The following C1QTNF3 variants were observed in gnomAD, a reference collection of about 807,000 sequenced individuals.
C1QTNF3 encodes the protein C1q and TNF related 3, also known as complement C1q tumor necrosis factor-related protein 3.
A neutral mutation model predicts 32.6 loss-of-function variants in C1QTNF3; 26 were observed. That is an observed-to-expected ratio of 0.80 (90% CI 0.58 to 1.11). The LOEUF (loss-of-function observed/expected upper bound fraction) is 1.11. Ranked by LOEUF, C1QTNF3 falls within the 50% of genes least tolerant of loss-of-function variation. The pLI is 0.00. For missense variants in C1QTNF3, 362 were observed against 398.2 expected (o/e 0.91, Z 0.77); for synonymous variants, 155 against 146.0 (o/e 1.06, Z -0.44).
chr5:34,178,047 G>A, the C1QTNF3 span, among the ~76,000 whole-genome samples: 3 of 146,400 alleles, frequency 2.0e-5, no homozygotes, highest in Non-Finnish European at 3.0e-5. Flanking sequence ...CAGGTGGATC[G>A]CTTGAGGTCA....
At chr5:34,145,404 C>T in the C1QTNF3 span, among the ~76,000 whole-genome samples, 1 of 151,998 alleles carries the variant, frequency 6.6e-6, no homozygotes, top group East Asian at 1.9e-4. Context: ...TAGATATATT[C>T]CTGGAAACAG....
chr5:34,146,308 C>T, the C1QTNF3 span, among the ~76,000 whole-genome samples: 1 of 152,150 alleles, frequency 6.6e-6, no homozygotes, highest in Non-Finnish European at 1.5e-5. Flanking sequence ...GGCACTATTC[C>T]TAGCAAACTA....
the C1QTNF3 span, among the ~76,000 whole-genome samples, chr5:34,197,172 G>A: frequency 9.8e-5 from 15 of 152,360 alleles, no homozygotes; most frequent in African/African-American, 3.4e-4. Context: ...CCTAATGAAA[G>A]CTATAAAAGT....
At chr5:34,211,285 T>A in the C1QTNF3 span, among the ~76,000 whole-genome samples, 2 of 152,168 alleles carry the variant, frequency 1.3e-5, no homozygotes, top group African/African-American at 4.8e-5. Flanking sequence ...ACATTTTACA[T>A]ATCCAAGATA....
At chr5:34,176,183 C>T in the C1QTNF3 span, among the ~76,000 whole-genome samples, 13 of 144,380 alleles carry the variant, frequency 9.0e-5, no homozygotes, top group African/African-American at 3.4e-4. Flanking sequence ...TATTCTCACT[C>T]ATAAGTGGGA....
chr5:34,218,203 T>C, the C1QTNF3 span: 2 of 152,506 alleles, frequency 1.3e-5, no homozygotes, highest in African/African-American at 4.8e-5. Flanking sequence ...ATAATACATA[T>C]AAATTTACTG....
intron 1 of C1QTNF3, among the ~76,000 whole-genome samples, chr5:34,039,984 G>A (rs1239302654): frequency 3.3e-5 from 5 of 152,164 alleles, no homozygotes; most frequent in Admixed American, 1.3e-4. Context: ...CGAGCACCTC[G>A]TGAGAACCCT....
the C1QTNF3 span, among the ~76,000 whole-genome samples, chr5:34,054,276 TG>T: frequency 6.6e-6 from 1 of 152,134 alleles, no homozygotes; most frequent in Admixed American, 6.5e-5. Flanking sequence ...TCCTCCACAC[TG>T]GGAAACTTTA....
the C1QTNF3 span, among the ~76,000 whole-genome samples, chr5:34,126,992 C>T: frequency 3.3e-5 from 5 of 152,146 alleles, no homozygotes; most frequent in Admixed American, 6.5e-5. Flanking sequence ...TGGCACTTCC[C>T]GTTTTGTGCT....
intron 4 of C1QTNF3, among the ~76,000 whole-genome samples, chr5:34,026,493 G>GA (rs11335592): frequency 5.6e-4 from 82 of 145,718 alleles, no homozygotes; most frequent in Non-Finnish European, 1.0e-3. Context: ...AGAAAAGAAA[G>GA]AAAAAAAAAG....
chr5:34,145,370 C>T, the C1QTNF3 span, among the ~76,000 whole-genome samples: 1 of 151,982 alleles, frequency 6.6e-6, no homozygotes, highest in African/African-American at 2.4e-5. Context: ...ATGAACAACT[C>T]TATGCACAAA....
intron 1 of C1QTNF3, among the ~76,000 whole-genome samples, chr5:34,038,171 G>T (rs971707771): frequency 1.3e-5 from 2 of 152,204 alleles, no homozygotes; most frequent in Non-Finnish European, 2.9e-5. Flanking sequence ...GATTGGATGA[G>T]GTGGTGTTGG....
the C1QTNF3 span, among the ~76,000 whole-genome samples, chr5:34,138,165 C>G: frequency 6.6e-6 from 1 of 152,172 alleles, no homozygotes; most frequent in African/African-American, 2.4e-5. Flanking sequence ...AACTCCAGAA[C>G]TGTGGGAAAA....
the C1QTNF3 span, among the ~76,000 whole-genome samples, chr5:34,059,350 A>G: frequency 1.3e-5 from 2 of 152,070 alleles, no homozygotes; most frequent in Middle Eastern, 3.2e-3. Context: ...TAACAGCCTC[A>G]TTTTCACTTA....
the C1QTNF3 span, among the ~76,000 whole-genome samples, chr5:34,093,592 A>C: frequency 1.6e-5 from 2 of 125,866 alleles, no homozygotes; most frequent in Non-Finnish European, 3.3e-5. Flanking sequence ...GTGAAATCCA[A>C]CCTTCAAGCT....
chr5:34,235,677 T>C, the C1QTNF3 span, among the ~76,000 whole-genome samples: 1 of 151,756 alleles, frequency 6.6e-6, no homozygotes, highest in African/African-American at 2.4e-5. Context: ...AAGCTTCCAA[T>C]TAATTTTAGA....
At chr5:34,171,573 A>G in the C1QTNF3 span, among the ~76,000 whole-genome samples, 1 of 152,146 alleles carries the variant, frequency 6.6e-6, no homozygotes, top group Non-Finnish European at 1.5e-5. Context: ...AGTCTCTATA[A>G]TAAGTTTACA....
At chr5:34,037,477 G>A (rs1408699131) in intron 1 of C1QTNF3, among the ~76,000 whole-genome samples, 3 of 152,108 alleles carry the variant, frequency 2.0e-5, no homozygotes, top group Non-Finnish European at 4.4e-5. Context: ...ATAAAAAATG[G>A]GCTTGAATTT....
chr5:34,079,661 G>T, the C1QTNF3 span, among the ~76,000 whole-genome samples: 1 of 151,618 alleles, frequency 6.6e-6, no homozygotes, highest in Non-Finnish European at 1.5e-5. Flanking sequence ...AGGACATTAT[G>T]CTGGTGAAAT....
Sources: gnomAD v4.1 joint callset for allele counts (sites outside exome capture counted in the v4.1 genomes callset) on GRCh38, gnomAD v4.1.1 for gene constraint, MANE v1.5 for transcripts, NCBI Gene and HGNC (gene_info 2026-07-23, HGNC 2026-07-21) for gene names.